Variants in NEDD1 observed in about 807,000 individuals in gnomAD.
NEDD1 encodes NEDD1 gamma-tubulin ring complex targeting factor.
NEDD1 carries 33 observed loss-of-function variants against 74.0 expected under a neutral mutation model. The observed-to-expected ratio is 0.45, with a 90% CI of 0.34 to 0.60. NEDD1 has a LOEUF of 0.60. NEDD1 is among the 20% of genes least tolerant of loss of function. The pLI is 0.01. For missense variants in NEDD1, 746 were observed against 776.5 expected (o/e 0.96, Z 0.47); for synonymous variants, 250 against 264.4 (o/e 0.95, Z 0.53).
intron 6 of NEDD1, among the ~76,000 whole-genome samples, chr12:96,934,464 T>C (rs1289688464): frequency 6.6e-6 from 1 of 152,014 alleles, no homozygotes; most frequent in African/African-American, 2.4e-5. Flanking sequence ...GTGGTTGTCA[T>C]GATTGAAATT....
chr12:96,942,027 A>G (rs1021869549), intron 10 of NEDD1, among the ~76,000 whole-genome samples: 2 of 152,086 alleles, frequency 1.3e-5, no homozygotes, highest in Admixed American at 1.3e-4. Context: ...GAATTTTACA[A>G]TTTTTGTTAT....
At chr12:96,925,150 A>T (rs1446917418) in intron 6 of NEDD1, among the ~76,000 whole-genome samples, 1 of 152,138 alleles carries the variant, frequency 6.6e-6, no homozygotes, top group Non-Finnish European at 1.5e-5. Context: ...TTCCAAGGGA[A>T]CCTAAAGGAG....
chr12:96,942,754 T>C (rs375567960), intron 11 of NEDD1, 130 bp downstream of exon 11: 3 of 623,494 alleles, frequency 4.8e-6, no homozygotes, highest in African/African-American at 3.7e-5. Context: ...TTTCTGTGTA[T>C]TAAGAACTGA....
chr12:96,915,578 A>C (rs1874350844), intron 4 of NEDD1, among the ~76,000 whole-genome samples: 1 of 152,200 alleles, frequency 6.6e-6, no homozygotes, highest in Admixed American at 6.5e-5. Flanking sequence ...TGAAGTCATG[A>C]AATGTCTCCT....
At chr12:96,932,442 TAAAAAA>T (rs747225218) in intron 6 of NEDD1, among the ~76,000 whole-genome samples, 214 of 10,554 alleles carry the variant, frequency 0.02, 10 homozygotes, top group East Asian at 0.085. Flanking sequence ...TCCTGTCTCT[TAAAAAA>T]AAAAAAAAAA....
intron 4 of NEDD1, among the ~76,000 whole-genome samples, chr12:96,914,606 C>T (rs1194889786): frequency 6.6e-6 from 1 of 152,024 alleles, no homozygotes; most frequent in Non-Finnish European, 1.5e-5. Flanking sequence ...TTGTAACTTC[C>T]AAGTCCTCTT....
chr12:96,921,424 A>G (rs1875077518), intron 6 of NEDD1, among the ~76,000 whole-genome samples: 1 of 151,606 alleles, frequency 6.6e-6, no homozygotes, highest in African/African-American at 2.4e-5. Flanking sequence ...CAGGTGATCC[A>G]CCTCCCTCGG....
At chr12:96,950,306 T>G (rs1878593540) in intron 14 of NEDD1, among the ~76,000 whole-genome samples, 1 of 152,012 alleles carries the variant, frequency 6.6e-6, no homozygotes, top group Non-Finnish European at 1.5e-5. Flanking sequence ...CAAGAAGAAC[T>G]CTGTTATACT....
In NEDD1 at chr12:96,942,470, T is replaced by G. The variant is rs530507665; in HGVS notation, c.1247-107T>G. On this transcript the variant is annotated intron_variant, in intron 10 of 15. Transcript: ENST00000266742. ...CCTTTAACATCACTCATATTTAGCTTTTTAAGATTGTTAGTCTCTGAACTC... is the reference window on the plus strand; with the variant it reads ...CCTTTAACATCACTCATATTTAGCTGTTTAAGATTGTTAGTCTCTGAACTC... 5 of 681,316 alleles carry G rather than the reference T, an allele frequency of 7.3e-6. No homozygotes were observed. In the East Asian group the frequency reaches 1.3e-4, roughly 17 times the overall value. The allele number at this position is 681,316 out of a possible 1,614,324, so 42.2% of individuals were successfully genotyped here.
chr12:96,947,979 A>T (rs2136625236), intron 14 of NEDD1, among the ~76,000 whole-genome samples: 1 of 152,298 alleles, frequency 6.6e-6, no homozygotes, highest in African/African-American at 2.4e-5. Flanking sequence ...AGAGTGGCTC[A>T]GAGGATTTCC....
intron 6 of NEDD1, among the ~76,000 whole-genome samples, chr12:96,923,822 G>T (rs1281576866): frequency 2.4e-5 from 3 of 124,700 alleles, no homozygotes; most frequent in Non-Finnish European, 3.4e-5. Context: ...GTGTGTGTGT[G>T]TGTGTGTGAA....
intron 5 of NEDD1, 45 bp from the exon 6 acceptor site, chr12:96,919,940 C>G: frequency 7.0e-7 from 1 of 1,430,776 alleles, no homozygotes; most frequent in Non-Finnish European, 9.6e-7. Flanking sequence ...ATGGGCTGTT[C>G]GAGGATTATG....
At chr12:96,944,035 A>G (rs1343808592) in intron 12 of NEDD1, among the ~76,000 whole-genome samples, 1 of 152,114 alleles carries the variant, frequency 6.6e-6, no homozygotes, top group Non-Finnish European at 1.5e-5. Flanking sequence ...ATCCTTTTAA[A>G]GTGTATTTCA....
intron 3 of NEDD1, among the ~76,000 whole-genome samples, chr12:96,911,516 G>A (rs1411791781): frequency 6.6e-6 from 1 of 152,150 alleles, no homozygotes; most frequent in Non-Finnish European, 1.5e-5. Context: ...GCAACTTGGG[G>A]TCCACATAGT....
At chr12:96,947,600 C>G (rs1878317311) in intron 14 of NEDD1, among the ~76,000 whole-genome samples, 1 of 152,194 alleles carries the variant, frequency 6.6e-6, no homozygotes, top group Non-Finnish European at 1.5e-5. Context: ...CAGTTCACCA[C>G]TGGCTTCAGA....
intron 5 of NEDD1, among the ~76,000 whole-genome samples, chr12:96,917,981 T>C (rs1402763639): frequency 6.6e-6 from 1 of 152,164 alleles, no homozygotes; most frequent in East Asian, 1.9e-4. Flanking sequence ...TTTTATTTAG[T>C]TCTACTCTTA....
chr12:96,935,194 T>C lies in NEDD1; in HGVS notation c.708T>C (p.Thr236=). The C allele has an allele frequency of 6.4e-7, 1 of 1,562,594 alleles. No homozygotes were observed. Among genetic ancestry groups the C allele is most frequent in the Non-Finnish European group, 8.8e-7 (1 of 1,133,066 alleles). ...GLDKRIILYD[T]SSKKLVKTLV... is the part of the protein sequence containing the mutation. ...ATAAAAGAATCATCCTCTATGACAC[T>C]TCAAGTAAGAAGTAAGTGTGACATG... The change falls in exon 7 of 16, where the codon ACT becomes ACC. Residue 236 remains threonine (T), a synonymous_variant. Coordinates refer to ENST00000266742, the MANE Select transcript of NEDD1 (RefSeq NM_152905.4).
At chr12:96,930,493 A>G (rs1876338009) in intron 6 of NEDD1, among the ~76,000 whole-genome samples, 1 of 152,152 alleles carries the variant, frequency 6.6e-6, no homozygotes, top group African/African-American at 2.4e-5. Context: ...GTGACAACAT[A>G]TATGAAATGT....
chr12:96,935,438 A>G (rs1876993228), intron 7 of NEDD1, among the ~76,000 whole-genome samples: 1 of 152,170 alleles, frequency 6.6e-6, no homozygotes, highest in Non-Finnish European at 1.5e-5. Flanking sequence ...CATCTTAATG[A>G]TTTCACATTT....
Sources: gnomAD v4.1 joint callset for allele counts (sites outside exome capture counted in the v4.1 genomes callset) on GRCh38, gnomAD v4.1.1 for gene constraint, MANE v1.5 for transcripts, NCBI Gene and HGNC (gene_info 2026-07-23, HGNC 2026-07-21) for gene names.